Variants in DPP10 observed in about 807,000 individuals in gnomAD.
DPP10 encodes the protein inactive dipeptidyl peptidase 10.
A neutral mutation model predicts 120.9 loss-of-function variants in DPP10; 33 were observed. That is an observed-to-expected ratio of 0.27 (90% CI 0.21 to 0.37). The LOEUF (loss-of-function observed/expected upper bound fraction) is 0.37. Among genes scored for constraint, DPP10 ranks in the 10% least tolerant of loss-of-function variants. DPP10 has a pLI of 1.00. For synonymous variants in DPP10, 337 were observed against 326.1 expected, an observed-to-expected ratio of 1.03 and a Z score of -0.36; for missense variants, 816 against 942.8, an observed-to-expected ratio of 0.87 and a Z score of 1.76.
intron 15 of DPP10, among the ~76,000 whole-genome samples, chr2:115,778,333 C>T (rs571740193): frequency 1.3e-5 from 2 of 152,068 alleles, no homozygotes; most frequent in East Asian, 3.9e-4. Context: ...AGGAGGCATC[C>T]TTATTTAAAT....
chr2:115,525,878 G>C lies in DPP10; in HGVS notation c.367-20G>C. ...GTTAAGAAGTTTTTAAATATAACTG[G>C]TTTTTTTTTCTTTTTCTAGGTAACC... On this transcript the variant is annotated intron_variant, in intron 4 of 25. Coordinates refer to ENST00000410059, the MANE Select transcript of DPP10 (RefSeq NM_020868.6). The C allele has an allele frequency of 6.5e-7, 1 of 1,534,682 alleles. No individual in the cohort carries two copies. The highest frequency in any genetic ancestry group is 1.4e-5 in the African/African-American group (1 of 71,516).
At chr2:115,413,765 T>C (rs2069141536) in intron 3 of DPP10, among the ~76,000 whole-genome samples, 1 of 152,212 alleles carries the variant, frequency 6.6e-6, no homozygotes, top group Non-Finnish European at 1.5e-5. Flanking sequence ...CAAAGCCAGA[T>C]ATAAATTTCT....
chr2:115,170,116 C>T (rs185902215), intron 1 of DPP10, among the ~76,000 whole-genome samples: 7 of 152,166 alleles, frequency 4.6e-5, no homozygotes, highest in Non-Finnish European at 7.4e-5. Context: ...GAGAAATAGG[C>T]CTTTCTTGTT....
At chr2:114,603,297 G>A (rs551134724) in intron 1 of DPP10, among the ~76,000 whole-genome samples, 1 of 152,174 alleles carries the variant, frequency 6.6e-6, no homozygotes, top group South Asian at 2.1e-4. Flanking sequence ...AAACTTGGAA[G>A]TGAGAATGAT....
intron 1 of DPP10, among the ~76,000 whole-genome samples, chr2:114,993,580 G>GTGTATATATATATATATATA (rs71394121): frequency 4.5e-4 from 44 of 97,340 alleles, no homozygotes; most frequent in African/African-American, 1.3e-3. Flanking sequence ...GTGTGTGTGT[G>GTGTATATATATATATATATA]TATATATATA....
intron 5 of DPP10, among the ~76,000 whole-genome samples, chr2:115,590,853 C>T (rs113284162): frequency 0.011 from 1,690 of 152,220 alleles, 22 homozygotes; most frequent in African/African-American, 0.037. Context: ...TTTTAATGAT[C>T]GCCATTCTAA....
chr2:114,462,622 A>G (rs540524857), intron 1 of DPP10, among the ~76,000 whole-genome samples: 3 of 152,172 alleles, frequency 2.0e-5, no homozygotes, highest in East Asian at 3.9e-4. Context: ...TATGCTATCA[A>G]CGTGACTTAT....
intron 7 of DPP10, among the ~76,000 whole-genome samples, chr2:115,702,552 A>G (rs1299327121): frequency 1.3e-5 from 2 of 152,134 alleles, no homozygotes; most frequent in African/African-American, 4.8e-5. Flanking sequence ...GATACGTGCT[A>G]CAGCTTGGAT....
At chr2:115,611,869 C>A (rs912232303) in intron 5 of DPP10, among the ~76,000 whole-genome samples, 10 of 152,024 alleles carry the variant, frequency 6.6e-5, no homozygotes, top group African/African-American at 9.7e-5. Context: ...AACTCAATGG[C>A]TTTTAAGATC....
chr2:114,813,941 AAC>A (rs375858356), intron 1 of DPP10, among the ~76,000 whole-genome samples: 38,016 of 139,144 alleles, frequency 0.27, 4,905 homozygotes, highest in East Asian at 0.32. Flanking sequence ...GGCACGCATG[AAC>A]ACACACACAC....
At chr2:114,834,888 GTATATATAAGCCATA>G in intron 1 of DPP10, among the ~76,000 whole-genome samples, 9 of 145,668 alleles carry the variant, frequency 6.2e-5, no homozygotes, top group African/African-American at 2.2e-4. Context: ...ACACAACTAT[GTATATATAAGCCATA>G]TCTACACACC....
At chr2:115,314,464 T>C (rs1186552671) in intron 2 of DPP10, among the ~76,000 whole-genome samples, 1 of 152,216 alleles carries the variant, frequency 6.6e-6, no homozygotes, top group Admixed American at 6.5e-5. Context: ...ATTCATTCCT[T>C]TAGTACACTT....
intron 1 of DPP10, among the ~76,000 whole-genome samples, chr2:114,807,531 A>G (rs533168591): frequency 6.6e-6 from 1 of 152,310 alleles, no homozygotes; most frequent in South Asian, 2.1e-4. Flanking sequence ...TTATGGTAAT[A>G]ACTTCCTTAT....
rs191014126 is a variant in DPP10, at chr2:115,366,337, T to C, written c.271+22425T>C. 5.4e-3 allele frequency among the ~76,000 whole-genome samples: 817 copies of C among 152,146 alleles called. 8 individuals carry two copies. The highest frequency in any genetic ancestry group is 0.019 in the African/African-American group (772 of 41,542). ...TTGTGTATAGGAACAATTCTACTCA[T>C]TAATACCACCACTGCTGCTATTGAA... On this transcript the variant is annotated intron_variant, in intron 3 of 25. Transcript: ENST00000410059.
At chr2:115,267,575 C>T (rs189780695) in intron 1 of DPP10, among the ~76,000 whole-genome samples, 4 of 151,864 alleles carry the variant, frequency 2.6e-5, no homozygotes, top group African/African-American at 9.7e-5. Context: ...TCTGTATTCC[C>T]CTCTCCTCTC....
intron 3 of DPP10, among the ~76,000 whole-genome samples, chr2:115,423,570 C>T (rs925116981): frequency 1.3e-5 from 2 of 152,026 alleles, no homozygotes; most frequent in South Asian, 2.1e-4. Flanking sequence ...ACAAAAAGAA[C>T]GGCTTTGCCT....
chr2:115,286,524 A>G (rs1219197741), intron 1 of DPP10, among the ~76,000 whole-genome samples: 5 of 42,884 alleles, frequency 1.2e-4, no homozygotes, highest in South Asian at 1.6e-3. Flanking sequence ...ATATATATAT[A>G]TAATATATAT....
intron 1 of DPP10, among the ~76,000 whole-genome samples, chr2:114,651,822 T>A (rs1696608433): frequency 6.6e-6 from 1 of 151,792 alleles, no homozygotes; most frequent in East Asian, 1.9e-4. Flanking sequence ...GTAAGCAGAG[T>A]CATGAACAAG....
intron 1 of DPP10, among the ~76,000 whole-genome samples, chr2:115,232,228 G>A (rs2057769212): frequency 6.6e-6 from 1 of 152,040 alleles, no homozygotes. Context: ...GGCCCTTTAA[G>A]AGGAAGCATT....
Sources: gnomAD v4.1 joint callset for allele counts (sites outside exome capture counted in the v4.1 genomes callset) on GRCh38, gnomAD v4.1.1 for gene constraint, MANE v1.5 for transcripts, NCBI Gene and HGNC (gene_info 2026-07-23, HGNC 2026-07-21) for gene names.